The following TNFRSF9 variants were observed in gnomAD, a reference collection of about 807,000 sequenced individuals.
TNFRSF9 encodes the protein tumor necrosis factor receptor superfamily member 9.
In TNFRSF9, 16 loss-of-function variants were observed where a neutral mutation model predicts 28.8. That is an observed-to-expected ratio of 0.55 (90% CI 0.38 to 0.84). TNFRSF9 has a LOEUF of 0.84. TNFRSF9 is among the 40% of genes least tolerant of loss of function. The pLI, the probability that TNFRSF9 is intolerant of heterozygous loss-of-function variation, is 0.00. For synonymous variants in TNFRSF9, 131 were observed against 117.0 expected (o/e 1.12, Z -0.77); for missense variants, 303 against 315.0 (o/e 0.96, Z 0.29).
intron 5 of TNFRSF9, 74 bp downstream of exon 5, chr1:7,937,616 T>C: frequency 8.0e-7 from 1 of 1,254,124 alleles, no homozygotes; most frequent in East Asian, 2.3e-5. Context: ...AAAGCTTCAA[T>C]GATAGCATTC....
In TNFRSF9 at chr1:7,920,383, C is replaced by T. The variant is rs1369317580; in HGVS notation, c.*452G>A. On this transcript the variant is annotated 3_prime_UTR_variant, in exon 8 of 8. Transcript: ENST00000377507. ...AAAGTGGTGCATTATTTTGGCCGGG[C>T]CTGGCAGTTCATGTCTGTAATCCCA... is the stretch of plus-strand genomic sequence containing the variant. 6.5e-6 allele frequency: 1 copy of T among 153,408 alleles called. No homozygotes were observed. The highest frequency in any genetic ancestry group is 6.5e-5 in the Admixed American group (1 of 15,392). The allele number at this position is 153,408 out of a possible 1,614,324, so 9.5% of individuals were successfully genotyped here.
rs1578079354 is a variant in TNFRSF9 at position 7,940,128 on chromosome 1, T to C, written c.-84-50A>G. On this transcript the variant is annotated intron_variant, in intron 1 of 7. Transcript: ENST00000377507. ...GAAAGGTGGTTTCTCCTTTCAAAAT[T>C]ATCTATATTGCAATCATTACTTATA... 6 of 594,518 alleles carry C rather than the reference T, an allele frequency of 1.0e-5. No homozygotes were observed. In the East Asian group the frequency reaches 1.7e-4, roughly 16 times the overall value. The allele number at this position is 594,518 out of a possible 1,614,324, so 36.8% of individuals were successfully genotyped here.
intron 7 of TNFRSF9, among the ~76,000 whole-genome samples, chr1:7,924,463 C>T (rs1487305671): frequency 6.6e-6 from 1 of 151,624 alleles, no homozygotes; most frequent in East Asian, 1.9e-4. Context: ...CCTGTCTCTA[C>T]TAAAGTACAA....
At chr1:7,932,691 GCACACACACACGCA>G (rs1309451563) in intron 7 of TNFRSF9, among the ~76,000 whole-genome samples, 3 of 147,932 alleles carry the variant, frequency 2.0e-5, no homozygotes, top group African/African-American at 7.5e-5. Context: ...GCACGCACGC[GCACACACACACGCA>G]CACACACACA....
In TNFRSF9 at chr1:7,929,164, T is replaced by C. The variant is rs867308618; in HGVS notation, c.679+3998A>G. 8.9e-3 allele frequency among the ~76,000 whole-genome samples: 1,182 copies of C among 133,274 alleles called. 22 individuals are homozygous for C. The highest frequency in any genetic ancestry group is 0.03 in the African/African-American group (1,108 of 36,734). 87.4% of individuals were successfully genotyped at this position (133,274 alleles called of 152,430 possible). On this transcript the variant is annotated intron_variant, in intron 7 of 7. Coordinates refer to ENST00000377507, the MANE Select transcript of TNFRSF9 (RefSeq NM_001561.6). Reference sequence around the variant, plus strand: ...TTTCTTTTTTTTCTTTTTCCTTTTTTTTTTTTTTTTTTTTTGAGACAGAGT... The same window carrying C: ...TTTCTTTTTTTTCTTTTTCCTTTTTCTTTTTTTTTTTTTTTGAGACAGAGT...
intron 7 of TNFRSF9, among the ~76,000 whole-genome samples, chr1:7,929,391 T>C (rs979696705): frequency 1.3e-5 from 2 of 152,084 alleles, no homozygotes; most frequent in Non-Finnish European, 2.9e-5. Context: ...GGTCTCGAAC[T>C]CCTGACCTCA....
At chr1:7,932,734 T>TGC (rs1639752256) in intron 7 of TNFRSF9, among the ~76,000 whole-genome samples, 2 of 148,226 alleles carry the variant, frequency 1.3e-5, no homozygotes, top group Admixed American at 1.3e-4. Flanking sequence ...CACACACACA[T>TGC]ACACACACAC....
Position 7,932,690 on chromosome 1 carries a change from C to T in TNFRSF9, c.679+472G>A, listed in dbSNP as rs566533565. 6.9e-4 allele frequency among the ~76,000 whole-genome samples: 103 copies of T among 149,188 alleles called. 1 individual carries two copies. Among genetic ancestry groups the T allele is most frequent in the African/African-American group, 2.3e-3 (90 of 39,796 alleles). The stretch of plus-strand genomic sequence containing the variant: ...ACACACATACACACACGCACGCACG[C>T]GCACACACACACGCACACACACACA... On this transcript the variant is annotated intron_variant, in intron 7 of 7. Coordinates refer to ENST00000377507, the MANE Select transcript of TNFRSF9 (RefSeq NM_001561.6).
chr1:7,935,056 C>G lies in TNFRSF9; in HGVS notation c.501G>C (p.Pro167=). Residue 167 remains proline, a synonymous_variant, in exon 6 of 8, where the codon CCG becomes CCC. Transcript: ENST00000377507. ...CAGGCGGGGTCACAGAGGATGCTCC[C>G]GGAGAGAGGTCGGCTGGAGATGGTC... ...VCGPSPADLS[P]GASSVTPPAP... 3 of 1,614,236 alleles carry G rather than the reference C, an allele frequency of 1.9e-6. No individual in the cohort carries two copies. The highest frequency in any genetic ancestry group is 1.3e-5 in the African/African-American group (1 of 75,072).
intron 7 of TNFRSF9, among the ~76,000 whole-genome samples, chr1:7,926,763 C>A (rs142998923): frequency 3.9e-5 from 6 of 152,094 alleles, no homozygotes; most frequent in Non-Finnish European, 7.4e-5. Context: ...AGAGGGAAAC[C>A]AGATAGCCCC....
At position 7,937,731 on chromosome 1, in the gene TNFRSF9, T is replaced by G; in HGVS notation, c.372A>C (p.Thr124=). ...KKGCKDCCFG[T]FNDQKRGICR... Reference sequence around the variant, plus strand: ...AGATGCCACGTTTCTGATCGTTAAATGTCCCAAAGCAACAGTCTTTACAAC... The same window carrying G: ...AGATGCCACGTTTCTGATCGTTAAAGGTCCCAAAGCAACAGTCTTTACAAC... Residue 124 remains threonine (T), a synonymous_variant, in exon 5 of 8, where the codon ACA becomes ACC. Transcript: ENST00000377507. The G allele has an allele frequency of 6.2e-7, 1 of 1,613,716 alleles. No individual in the cohort carries two copies. The highest frequency in any genetic ancestry group is 8.5e-7 in the Non-Finnish European group (1 of 1,179,636).
rs951349613 is a variant in TNFRSF9 at position 7,920,068 on chromosome 1, C to T, written c.*767G>A. Reference sequence around the variant, plus strand: ...ACTCAGGCACTCTGCTCATACTCCCCCCTGACGGTGGAGCATGTCGTGTTA... The same window carrying T: ...ACTCAGGCACTCTGCTCATACTCCCTCCTGACGGTGGAGCATGTCGTGTTA... On this transcript the variant is annotated 3_prime_UTR_variant, in exon 8 of 8. Coordinates refer to ENST00000377507, the MANE Select transcript of TNFRSF9 (RefSeq NM_001561.6). 2.0e-5 allele frequency: 3 copies of T among 152,166 alleles called. No individual in the cohort carries two copies. Among genetic ancestry groups the T allele is most frequent in the Non-Finnish European group, 2.9e-5 (2 of 68,028 alleles). The allele number at this position is 152,166 out of a possible 1,614,324, so 9.4% of individuals were successfully genotyped here.
In TNFRSF9 at chr1:7,919,095, T is replaced by C. The variant is rs553234546; in HGVS notation, c.*1740A>G. On this transcript the variant is annotated 3_prime_UTR_variant, in exon 8 of 8. Transcript: ENST00000377507. ...ACTAAATAGGAGCAGAAGTGACAGA[T>C]ACCCATTTGCCATGCGATGGCCAAT... The C allele has an allele frequency of 9.8e-5, 15 of 152,312 alleles. No homozygotes were observed. Among genetic ancestry groups the C allele is most frequent in the African/African-American group, 3.6e-4 (15 of 41,572 alleles). The allele number at this position is 152,312 out of a possible 1,614,324, so 9.4% of individuals were successfully genotyped here.
At position 7,939,875 on chromosome 1, in the gene TNFRSF9, C is replaced by T; in HGVS notation, c.100+20G>A. 6 of 1,572,278 alleles carry T rather than the reference C, an allele frequency of 3.8e-6. No individual in the cohort carries two copies. Among genetic ancestry groups the T allele is most frequent in the Non-Finnish European group, 5.2e-6 (6 of 1,146,314 alleles). On this transcript the variant is annotated intron_variant, in intron 2 of 7. Transcript: ENST00000377507. Reference sequence around the variant, plus strand: ...CTTCCAACAGAGCAGATCAAATGCACATGATAACTGGGTACTCACCAGCTG... The same window carrying T: ...CTTCCAACAGAGCAGATCAAATGCATATGATAACTGGGTACTCACCAGCTG...
intron 2 of TNFRSF9, 149 bp downstream of exon 2, chr1:7,939,746 C>A: frequency 1.8e-6 from 1 of 565,082 alleles, no homozygotes; most frequent in Non-Finnish European, 3.1e-6. Flanking sequence ...GTTCACACAG[C>A]TAGGTTGTAG....
Position 7,920,776 on chromosome 1 carries a change from T to A in TNFRSF9, c.*59A>T, listed in dbSNP as rs969771969. ...TGCTTTTGAAAGCTGTGATAGCGGA[T>A]GACTCATATTTCCTTGCTTCTTTTC... On this transcript the variant is annotated 3_prime_UTR_variant, in exon 8 of 8. Coordinates refer to ENST00000377507, the MANE Select transcript of TNFRSF9 (RefSeq NM_001561.6). The A allele has an allele frequency of 2.3e-6, 3 of 1,308,224 alleles. No individual in the cohort carries two copies. The highest frequency in any genetic ancestry group is 3.3e-6 in the Non-Finnish European group (3 of 902,036). The allele number at this position is 1,308,224 out of a possible 1,614,324, so 81.0% of individuals were successfully genotyped here. A position where few individuals can be genotyped will look rare whatever the true frequency, so the allele number is the denominator to read the frequency against.
At chr1:7,930,882 T>C (rs1295258395) in intron 7 of TNFRSF9, among the ~76,000 whole-genome samples, 2 of 152,164 alleles carry the variant, frequency 1.3e-5, no homozygotes, top group African/African-American at 4.8e-5. Context: ...TAGGAAAAGA[T>C]ATTTGCAGCT....
chr1:7,931,417 A>C lies in TNFRSF9; in HGVS notation c.679+1745T>G, dbSNP rs1339760985. Among the ~76,000 whole-genome samples the C allele has an allele frequency of 2.0e-5, 3 of 152,380 alleles. No homozygotes were observed. The East Asian group carries it at 5.8e-4, about 29-fold the overall frequency. On this transcript the variant is annotated intron_variant, in intron 7 of 7. Coordinates refer to ENST00000377507, the MANE Select transcript of TNFRSF9 (RefSeq NM_001561.6). Reference sequence around the variant, plus strand: ...AGAATAGGTGAACAATGATGTCATCATTCAACAAGAGTGTGCAACAGTGGA... The same window carrying C: ...AGAATAGGTGAACAATGATGTCATCCTTCAACAAGAGTGTGCAACAGTGGA...
rs1639758257 is a variant in TNFRSF9, at chr1:7,933,102, C to G, written c.679+60G>C. On this transcript the variant is annotated intron_variant, in intron 7 of 7. Transcript: ENST00000377507. Reference sequence around the variant, plus strand: ...AGAATTTTTTTTAAAATCATATTTTCCTTTCTATTATAAAAAGCCTTGCCT... The same window carrying G: ...AGAATTTTTTTTAAAATCATATTTTGCTTTCTATTATAAAAAGCCTTGCCT... 5.9e-6 allele frequency: 9 copies of G among 1,530,240 alleles called. No individual in the cohort carries two copies. In the East Asian group the frequency reaches 2.1e-4, roughly 35 times the overall value. 94.8% of individuals were successfully genotyped at this position (1,530,240 alleles called of 1,614,324 possible).
Sources: gnomAD v4.1 joint callset for allele counts (sites outside exome capture counted in the v4.1 genomes callset) on GRCh38, gnomAD v4.1.1 for gene constraint, MANE v1.5 for transcripts, NCBI Gene and HGNC (gene_info 2026-07-23, HGNC 2026-07-21) for gene names.